ABCA13: variants seen among roughly 807,000 people sequenced by gnomAD.
ABCA13 encodes ATP binding cassette subfamily A member 13, also known as ATP-binding cassette sub-family A member 13.
A neutral mutation model predicts 478.7 loss-of-function variants in ABCA13; 476 were observed. The ratio of observed to expected loss-of-function variants is 0.99; its 90% CI spans 0.92 to 1.07. ABCA13 has a LOEUF of 1.07. Among genes scored for constraint, ABCA13 ranks in the 50% least tolerant of loss-of-function variants. The probability of loss-of-function intolerance (pLI) is 0.00; values close to 1 mark genes in which losing one functional copy is unlikely to be tolerated. For synonymous variants in ABCA13, 2,252 were observed against 2,158.9 expected (o/e 1.04, Z -1.20); for missense variants, 6,060 against 5,910.6 (o/e 1.03, Z -0.83).
chr7:48,593,108 GTTAA>G (rs1353747944), intron 57 of ABCA13, among the ~76,000 whole-genome samples: 1 of 151,476 alleles, frequency 6.6e-6, no homozygotes, highest in Non-Finnish European at 1.5e-5. Flanking sequence ...TTGACATTTT[GTTAA>G]TTGTTTTCTG....
intron 15 of ABCA13, among the ~76,000 whole-genome samples, chr7:48,261,521 A>T (rs1261653546): frequency 6.6e-6 from 1 of 151,850 alleles, no homozygotes; most frequent in Non-Finnish European, 1.5e-5. Context: ...CCCCTGTATG[A>T]ATTCCTAACT....
At position 48,178,240 on chromosome 7, in the gene ABCA13, A is replaced by T. The variant is rs566163970; in HGVS notation, c.69+6688A>T. ...AGACAACCAAATATATATTAAAAAA[A>T]CAATTTTGAAGGGCAGTGAGGGAAA... On this transcript the variant is annotated intron_variant, in intron 1 of 61. Coordinates refer to ENST00000435803, the MANE Select transcript of ABCA13 (RefSeq NM_152701.5). Among the ~76,000 whole-genome samples the T allele has an allele frequency of 1.2e-3, 185 of 152,374 alleles. 2 individuals are homozygous for T. The highest frequency in any genetic ancestry group is 4.1e-3 in the African/African-American group (171 of 41,588).
intron 24 of ABCA13, among the ~76,000 whole-genome samples, chr7:48,311,549 T>C (rs1428870361): frequency 1.3e-5 from 2 of 152,186 alleles, no homozygotes; most frequent in Non-Finnish European, 2.9e-5. Context: ...GTCCCCGATT[T>C]GAAGTAAGTG....
intron 3 of ABCA13, among the ~76,000 whole-genome samples, chr7:48,202,653 A>C (rs1798942901): frequency 6.6e-6 from 1 of 151,780 alleles, no homozygotes; most frequent in East Asian, 1.9e-4. Context: ...AAGGTTCTCC[A>C]AGGCCCCACC....
Position 48,297,294 on chromosome 7 carries a change from A to G in ABCA13, c.9182A>G (p.Asn3061Ser). 6.2e-7 allele frequency: 1 copy of G among 1,608,424 alleles called. No homozygotes were observed. The highest frequency in any genetic ancestry group is 8.5e-7 in the Non-Finnish European group (1 of 1,177,282). Residue 3061 changes from asparagine to serine, a missense_variant, in exon 22 of 62, where the codon AAT becomes AGT. By Grantham distance (46) the Asn-to-Ser change is conservative. Coordinates refer to ENST00000435803, the MANE Select transcript of ABCA13 (RefSeq NM_152701.5). ...SGNPIMTFLS[N>S]FTVTEDVKIK... ...AATCCCATCATGACTTTTCTCAGCAATTTCACAGTAACTGAGGGTAAGTAT... is the reference window on the plus strand; with the variant it reads ...AATCCCATCATGACTTTTCTCAGCAGTTTCACAGTAACTGAGGGTAAGTAT...
intron 59 of ABCA13, among the ~76,000 whole-genome samples, chr7:48,622,762 G>A (rs1472630089): frequency 6.6e-6 from 1 of 152,144 alleles, no homozygotes. Flanking sequence ...CCAGCTGTAA[G>A]TGCTTTATAC....
At chr7:48,174,608 C>A (rs2128850478) in intron 1 of ABCA13, among the ~76,000 whole-genome samples, 1 of 152,072 alleles carries the variant, frequency 6.6e-6, no homozygotes, top group South Asian at 2.1e-4. Flanking sequence ...TATTTTAATA[C>A]CATTTATTTT....
At chr7:48,602,314 A>G (rs931924705) in intron 58 of ABCA13, among the ~76,000 whole-genome samples, 3 of 152,148 alleles carry the variant, frequency 2.0e-5, no homozygotes, top group Admixed American at 6.5e-5. Flanking sequence ...TATGTCGTGA[A>G]TGGTATTGCC....
chr7:48,220,511 A>G (rs1787211238), intron 4 of ABCA13, among the ~76,000 whole-genome samples: 1 of 152,218 alleles, frequency 6.6e-6, no homozygotes, highest in Non-Finnish European at 1.5e-5. Context: ...ACCACGAAAT[A>G]AAGAGTTTGG....
At chr7:48,507,039 T>A (rs773662015) in intron 49 of ABCA13, among the ~76,000 whole-genome samples, 4 of 152,232 alleles carry the variant, frequency 2.6e-5, no homozygotes, top group Non-Finnish European at 5.9e-5. Flanking sequence ...GGGCATTCTC[T>A]GCTCAAGTTG....
chr7:48,310,258 C>A (rs1210319618), intron 24 of ABCA13, 117 bp downstream of exon 24: 4 of 1,105,932 alleles, frequency 3.6e-6, no homozygotes, highest in Non-Finnish European at 5.2e-6. Context: ...GGCCACTCTG[C>A]AGTGGTCTCC....
intron 55 of ABCA13, among the ~76,000 whole-genome samples, chr7:48,556,373 A>G (rs1205330234): frequency 6.6e-6 from 1 of 151,940 alleles, no homozygotes; most frequent in Non-Finnish European, 1.5e-5. Context: ...TTCTGTTTAT[A>G]ATATCTGTTC....
At chr7:48,336,898 A>G (rs1260414348) in intron 28 of ABCA13, among the ~76,000 whole-genome samples, 2 of 152,246 alleles carry the variant, frequency 1.3e-5, no homozygotes, top group East Asian at 1.9e-4. Context: ...TGCTGCAACT[A>G]TATATAATCT....
intron 55 of ABCA13, among the ~76,000 whole-genome samples, chr7:48,573,681 C>A (rs546612870): frequency 6.6e-6 from 1 of 152,098 alleles, no homozygotes; most frequent in African/African-American, 2.4e-5. Context: ...CTGCAGTAAG[C>A]TATGATTGTA....
rs1277917279 is a variant in ABCA13, at chr7:48,278,493, T to G, written c.7299T>G (p.Ser2433=). Residue 2433 remains serine, a synonymous_variant, in exon 18 of 62, where the codon TCT becomes TCG. Coordinates refer to ENST00000435803, the MANE Select transcript of ABCA13 (RefSeq NM_152701.5). ...GACTTCTGGATACAATTTTACACTC[T>G]CCTAATAAGGACTTCTATGCTTTGT... is the stretch of plus-strand genomic sequence containing the variant. The part of the protein sequence containing the change: ...MARLLDTILH[S]PNKDFYALYP... The G allele has an allele frequency of 1.2e-6, 2 of 1,613,960 alleles. No individual in the cohort carries two copies.
At chr7:48,317,070 G>A in intron 26 of ABCA13, 87 bp from the exon 27 acceptor site, 2 of 1,456,284 alleles carry the variant, frequency 1.4e-6, no homozygotes, top group Non-Finnish European at 9.1e-7. Context: ...TTGAAAATGA[G>A]GCATCCTGGA....
intron 55 of ABCA13, among the ~76,000 whole-genome samples, chr7:48,566,476 G>A (rs1195660673): frequency 2.0e-5 from 3 of 152,164 alleles, no homozygotes; most frequent in African/African-American, 7.2e-5. Flanking sequence ...GATTGACAGT[G>A]ATTTTGATTA....
intron 50 of ABCA13, 137 bp from the exon 51 acceptor site, chr7:48,510,947 C>A: frequency 1.4e-6 from 1 of 693,462 alleles, no homozygotes; most frequent in East Asian, 2.8e-5. Context: ...AGGACTAATT[C>A]CACGGCTACA....
In ABCA13 at chr7:48,372,256, C is replaced by A. The variant is rs748247423; in HGVS notation, c.10892C>A (p.Thr3631Asn). ...GCTGTGTTGACCATAAGCAGTGCTA[C>A]TCTGGCCATCGTTCTGAAAACAAGT... is the stretch of plus-strand genomic sequence containing the variant. Reference protein sequence around the residue: ...NMAVLTISSATLAIVLKTSGI... With the variant: ...NMAVLTISSANLAIVLKTSGI... Residue 3631 changes from threonine to asparagine, a missense_variant, in exon 33 of 62, where the codon ACT (threonine) becomes AAT (asparagine). Thr to Asn is a moderately conservative substitution (Grantham distance 65). Coordinates refer to ENST00000435803, the MANE Select transcript of ABCA13 (RefSeq NM_152701.5). 1 of 1,613,854 alleles carries A rather than the reference C, an allele frequency of 6.2e-7. No individual in the cohort carries two copies. The highest frequency in any genetic ancestry group is 1.3e-5 in the African/African-American group (1 of 74,928).
Sources: allele counts gnomAD v4.1 joint callset (sites outside exome capture counted in the v4.1 genomes callset), GRCh38; gene constraint gnomAD v4.1.1; transcripts MANE v1.5; gene names NCBI Gene and HGNC (gene_info 2026-07-23, HGNC 2026-07-21).